The following KALRN variants were observed in gnomAD, a reference collection of about 807,000 sequenced individuals.
KALRN encodes kalirin RhoGEF kinase.
KALRN carries 70 observed loss-of-function variants against 353.7 expected under a neutral mutation model. The ratio of observed to expected loss-of-function variants is 0.20; its 90% CI spans 0.16 to 0.24. The LOEUF is 0.24. Ranked by LOEUF, KALRN falls within the 10% of genes least tolerant of loss-of-function variation. KALRN has a pLI of 1.00. For synonymous variants in KALRN, 1,391 were observed against 1,434.8 expected (o/e 0.97, Z 0.69); for missense variants, 2,791 against 3,756.7 (o/e 0.74, Z 6.72).
intron 1 of KALRN, among the ~76,000 whole-genome samples, chr3:124,082,065 T>C (rs2060569954): frequency 6.6e-6 from 1 of 152,216 alleles, no homozygotes; most frequent in Admixed American, 6.5e-5. Flanking sequence ...AAGATGAGAC[T>C]GTGGTCCAGG....
At chr3:124,593,378 C>T (rs1317939734) in intron 34 of KALRN, among the ~76,000 whole-genome samples, 1 of 152,134 alleles carries the variant, frequency 6.6e-6, no homozygotes, top group Non-Finnish European at 1.5e-5. Context: ...TTCCCAGGCA[C>T]CATTGACCAC....
intron 3 of KALRN, among the ~76,000 whole-genome samples, chr3:124,247,926 G>A (rs2070556519): frequency 6.6e-6 from 1 of 151,910 alleles, no homozygotes; most frequent in Admixed American, 6.6e-5. Flanking sequence ...CCCATCTCAT[G>A]TTTTCTTAGA....
chr3:124,091,482 G>C (rs2061115084), intron 1 of KALRN, among the ~76,000 whole-genome samples: 1 of 152,158 alleles, frequency 6.6e-6, no homozygotes, highest in South Asian at 2.1e-4. Context: ...CTATACACTT[G>C]TGCTGGCTTT....
chr3:124,469,350 T>G (rs2060661969), intron 25 of KALRN, among the ~76,000 whole-genome samples: 1 of 152,224 alleles, frequency 6.6e-6, no homozygotes, highest in African/African-American at 2.4e-5. Context: ...CAAAGCCAGG[T>G]GCTTCTCATG....
chr3:124,135,966 C>A (rs2065874009), intron 1 of KALRN, among the ~76,000 whole-genome samples: 1 of 152,154 alleles, frequency 6.6e-6, no homozygotes, highest in South Asian at 2.1e-4. Flanking sequence ...AAAATGGAGG[C>A]ACAGATGGTG....
intron 50 of KALRN, 40 bp downstream of exon 50, chr3:124,678,353 C>A (rs778948474): frequency 6.2e-7 from 1 of 1,605,922 alleles, no homozygotes; most frequent in South Asian, 1.1e-5. Flanking sequence ...CACCTGTCAT[C>A]CACTCCCACC....
At chr3:124,252,649 C>G (rs937432051) in intron 3 of KALRN, among the ~76,000 whole-genome samples, 3 of 152,176 alleles carry the variant, frequency 2.0e-5, no homozygotes, top group Admixed American at 2.0e-4. Flanking sequence ...GAATAATAAC[C>G]TGGGTAAGAG....
At chr3:124,338,540 A>C (rs189000549) in intron 9 of KALRN, among the ~76,000 whole-genome samples, 1 of 152,116 alleles carries the variant, frequency 6.6e-6, no homozygotes, top group Non-Finnish European at 1.5e-5. Flanking sequence ...TTTGCTGAGG[A>C]GTGTTTTACT....
intron 6 of KALRN, among the ~76,000 whole-genome samples, chr3:124,302,203 G>A (rs1202597635): frequency 6.6e-6 from 1 of 152,172 alleles, no homozygotes; most frequent in Non-Finnish European, 1.5e-5. Flanking sequence ...AGCATATAGT[G>A]GTGAACAAGA....
intron 2 of KALRN, among the ~76,000 whole-genome samples, chr3:124,228,930 G>A (rs77258559): frequency 0.021 from 3,167 of 152,030 alleles, 58 homozygotes; most frequent in Non-Finnish European, 0.027. Flanking sequence ...CTACCTCCAG[G>A]GTCAAATTGC....
intron 12 of KALRN, chr3:124,395,575 C>T (rs1009565444): frequency 2.0e-6 from 1 of 509,560 alleles, no homozygotes; most frequent in African/African-American, 1.9e-5. Flanking sequence ...GGATGTTATT[C>T]AGCCATCAGT....
At chr3:124,698,720 G>A (rs368155245) in intron 55 of KALRN, among the ~76,000 whole-genome samples, 1 of 152,160 alleles carries the variant, frequency 6.6e-6, no homozygotes, top group East Asian at 1.9e-4. Context: ...TACGGGTGGA[G>A]TTCTACACCC....
intron 1 of KALRN, among the ~76,000 whole-genome samples, chr3:124,043,156 T>A (rs1218540031): frequency 1.3e-5 from 2 of 152,120 alleles, no homozygotes; most frequent in African/African-American, 2.4e-5. Flanking sequence ...ATCTTTGAAA[T>A]AACAGTTTCA....
chr3:124,274,806 C>T (rs150714381), intron 5 of KALRN, among the ~76,000 whole-genome samples: 2 of 152,248 alleles, frequency 1.3e-5, no homozygotes, highest in Non-Finnish European at 2.9e-5. Context: ...CCGTGGCTGC[C>T]TAGCCCTGCC....
At chr3:124,496,097 A>G (rs556173933) in intron 32 of KALRN, among the ~76,000 whole-genome samples, 2 of 148,276 alleles carry the variant, frequency 1.3e-5, no homozygotes, top group South Asian at 2.2e-4. Flanking sequence ...GCATTTAGTT[A>G]TCAACATAGT....
At chr3:124,110,098 CAT>C (rs1160586189) in intron 1 of KALRN, among the ~76,000 whole-genome samples, 1 of 22,144 alleles carries the variant, frequency 4.5e-5, no homozygotes, top group Non-Finnish European at 7.8e-5. Flanking sequence ...ATATATATGA[CAT>C]ATATGTCATA....
chr3:124,289,694 C>T (rs927956218), intron 5 of KALRN, among the ~76,000 whole-genome samples: 1 of 152,110 alleles, frequency 6.6e-6, no homozygotes, highest in Admixed American at 6.5e-5. Flanking sequence ...ACACTAGAGT[C>T]CAATTTATCT....
At chr3:124,204,583 T>C (rs2076241820) in intron 1 of KALRN, among the ~76,000 whole-genome samples, 1 of 119,878 alleles carries the variant, frequency 8.3e-6, no homozygotes, top group African/African-American at 2.9e-5. Context: ...AGAAGTTAAA[T>C]GTTGTGTAGA....
intron 1 of KALRN, among the ~76,000 whole-genome samples, chr3:124,060,366 A>G (rs1453940935): frequency 6.6e-6 from 1 of 152,196 alleles, no homozygotes; most frequent in African/African-American, 2.4e-5. Context: ...GAAAAGTACT[A>G]TTGTAGGTGT....
Sources: gnomAD v4.1 joint callset for allele counts (sites outside exome capture counted in the v4.1 genomes callset) on GRCh38, gnomAD v4.1.1 for gene constraint, MANE v1.5 for transcripts, NCBI Gene and HGNC (gene_info 2026-07-23, HGNC 2026-07-21) for gene names.